Variants in DGKG observed in about 807,000 individuals in gnomAD.
DGKG encodes DAG kinase gamma.
DGKG carries 78 observed loss-of-function variants against 105.3 expected under a neutral mutation model. The ratio of observed to expected loss-of-function variants is 0.74; its 90% CI spans 0.62 to 0.89. The LOEUF (loss-of-function observed/expected upper bound fraction) is 0.89, where lower values mean the gene tolerates loss of function less well. Among genes scored for constraint, DGKG ranks in the 40% least tolerant of loss-of-function variants. The pLI is 0.00. For missense variants in DGKG, 958 were observed against 1,020.1 expected (o/e 0.94, Z 0.83); for synonymous variants, 346 against 367.1 (o/e 0.94, Z 0.66).
chr3:186,246,918 C>A (rs1028732038), intron 19 of DGKG, among the ~76,000 whole-genome samples: 5 of 152,148 alleles, frequency 3.3e-5, no homozygotes, highest in Non-Finnish European at 5.9e-5. Context: ...AGCTGTTCAC[C>A]CGTCCTGTTA....
chr3:186,174,421 A>G (rs10937245), intron 22 of DGKG, among the ~76,000 whole-genome samples: 152,202 of 152,226 alleles, frequency 1, 76,089 homozygotes, highest in Non-Finnish European at 1. Flanking sequence ...AAGGCAATGA[A>G]AGGGAGGGAG....
rs1346144782 is a variant in DGKG at position 186,302,508 on chromosome 3, ATATGTG to A, written c.145-4285_145-4280del. 5.5e-3 allele frequency among the ~76,000 whole-genome samples: 36 copies of A among 6,560 alleles called. 1 individual carries two copies. The South Asian group carries it at 0.11, about 21-fold the overall frequency. 4.3% of individuals were successfully genotyped at this position (6,560 alleles called of 152,430 possible). On this transcript the variant is annotated intron_variant, in intron 3 of 24. Transcript: ENST00000265022. ...TATATATATATATATATATATATAC[ATATGTG>A]TATATATATATATATATACATATGT...
At chr3:186,217,512 T>G (rs1719354773) in intron 20 of DGKG, among the ~76,000 whole-genome samples, 1 of 152,240 alleles carries the variant, frequency 6.6e-6, no homozygotes, top group African/African-American at 2.4e-5. Context: ...TGGGTTTTCT[T>G]AATTGCCCCC....
intron 1 of DGKG, among the ~76,000 whole-genome samples, chr3:186,332,234 A>C (rs1276112277): frequency 4.6e-5 from 7 of 152,256 alleles, no homozygotes; most frequent in Non-Finnish European, 1.5e-5. Flanking sequence ...ACATGAGCAC[A>C]GAATGGAATA....
chr3:186,210,159 C>T lies in DGKG; in HGVS notation c.1917+1636G>A, dbSNP rs2108519052. Among the ~76,000 whole-genome samples the T allele has an allele frequency of 6.6e-6, 1 of 152,278 alleles. No individual in the cohort carries two copies. Among genetic ancestry groups the T allele is most frequent in the South Asian group, 2.1e-4 (1 of 4,820 alleles). On this transcript the variant is annotated intron_variant, in intron 21 of 24. Coordinates refer to ENST00000265022, the MANE Select transcript of DGKG (RefSeq NM_001346.3). The surrounding 1 kb of genome is among the most constrained non-coding windows in gnomAD (Gnocchi z 5.2). Reference sequence around the variant, plus strand: ...GGCAGGGGAGCTGAGTTGCTGTATTCTGGGCACAATTTCAAGGCCAGCTGC... The same window carrying T: ...GGCAGGGGAGCTGAGTTGCTGTATTTTGGGCACAATTTCAAGGCCAGCTGC...
intron 14 of DGKG, among the ~76,000 whole-genome samples, chr3:186,262,276 A>G (rs1721814633): frequency 6.6e-6 from 1 of 152,014 alleles, no homozygotes; most frequent in Non-Finnish European, 1.5e-5. Flanking sequence ...TGTCGACTGG[A>G]CGTCTCACCA....
chr3:186,359,900 G>C (rs1424924429), intron 1 of DGKG, among the ~76,000 whole-genome samples: 1 of 152,120 alleles, frequency 6.6e-6, no homozygotes, highest in Non-Finnish European at 1.5e-5. Context: ...ACATTATAAT[G>C]ATGTAATACA....
chr3:186,183,166 C>G (rs1312569865), intron 22 of DGKG, among the ~76,000 whole-genome samples: 2 of 152,148 alleles, frequency 1.3e-5, no homozygotes, highest in African/African-American at 4.8e-5. Context: ...AGTAGACTCC[C>G]TAACGCATTT....
At chr3:186,184,162 C>T (rs1214870816) in intron 22 of DGKG, among the ~76,000 whole-genome samples, 1 of 151,896 alleles carries the variant, frequency 6.6e-6, no homozygotes, top group Non-Finnish European at 1.5e-5. Context: ...ATGTTCCAGG[C>T]ACTTTCACAT....
At chr3:186,239,217 A>G (rs1720560238) in intron 20 of DGKG, among the ~76,000 whole-genome samples, 1 of 152,234 alleles carries the variant, frequency 6.6e-6, no homozygotes. Flanking sequence ...AAAACAAAAC[A>G]GAACAAAACA....
At chr3:186,298,462 G>A (rs931764707) in intron 3 of DGKG, among the ~76,000 whole-genome samples, 1 of 152,164 alleles carries the variant, frequency 6.6e-6, no homozygotes, top group Non-Finnish European at 1.5e-5. Context: ...TTGCATATTG[G>A]GGCTTGGTGG....
chr3:186,161,050 CAT>C, intron 24 of DGKG: 1 of 986,592 alleles, frequency 1.0e-6, no homozygotes, highest in Non-Finnish European at 1.2e-6. Context: ...CGTGGTGACT[CAT>C]TCAGTGGAAT....
At chr3:186,331,610 C>T (rs1322574871) in intron 1 of DGKG, among the ~76,000 whole-genome samples, 2 of 152,020 alleles carry the variant, frequency 1.3e-5, no homozygotes, top group East Asian at 3.9e-4. Context: ...AACCAAATGC[C>T]CAGGTGGGGG....
At chr3:186,257,166 C>A (rs1012151863) in intron 17 of DGKG, among the ~76,000 whole-genome samples, 1 of 152,210 alleles carries the variant, frequency 6.6e-6, no homozygotes, top group Non-Finnish European at 1.5e-5. Flanking sequence ...CTCCCCCGGC[C>A]GCTTTCTTGT....
At chr3:186,187,821 G>A (rs1717716400) in intron 22 of DGKG, among the ~76,000 whole-genome samples, 1 of 152,194 alleles carries the variant, frequency 6.6e-6, no homozygotes, top group African/African-American at 2.4e-5. Flanking sequence ...TAGAAGCCAA[G>A]TGGACCAAGC....
At chr3:186,258,792 A>G (rs1721603796) in intron 16 of DGKG, among the ~76,000 whole-genome samples, 1 of 152,110 alleles carries the variant, frequency 6.6e-6, no homozygotes, top group Non-Finnish European at 1.5e-5. Context: ...TACTGTTTTA[A>G]TAACTGTTTT....
chr3:186,162,044 G>A (rs1241004300), intron 23 of DGKG, among the ~76,000 whole-genome samples: 1 of 152,184 alleles, frequency 6.6e-6, no homozygotes, highest in Non-Finnish European at 1.5e-5. Context: ...ACAGGCATGT[G>A]CCACCACACC....
chr3:186,299,426 G>A (rs1723762705), intron 3 of DGKG, among the ~76,000 whole-genome samples: 1 of 152,090 alleles, frequency 6.6e-6, no homozygotes, highest in Admixed American at 6.5e-5. Context: ...CCCCACTGAG[G>A]GGCTCACAAA....
intron 2 of DGKG, among the ~76,000 whole-genome samples, chr3:186,314,806 T>C (rs1724739499): frequency 6.6e-6 from 1 of 150,812 alleles, no homozygotes; most frequent in Admixed American, 6.6e-5. Flanking sequence ...TGCTGGCTGA[T>C]GTAGGAAATG....
Sources: allele counts gnomAD v4.1 joint callset (sites outside exome capture counted in the v4.1 genomes callset), GRCh38; gene constraint gnomAD v4.1.1; non-coding constraint Gnocchi (gnomAD v3.1); transcripts MANE v1.5; gene names NCBI Gene and HGNC (gene_info 2026-07-23, HGNC 2026-07-21).